Variants in ZBTB16 observed in about 807,000 individuals in gnomAD.
ZBTB16 encodes the protein zinc finger and BTB domain containing 16, also known as zinc finger and BTB domain-containing protein 16.
Under a neutral mutation model 56.8 loss-of-function variants are expected in ZBTB16, and 8 were observed. That is an observed-to-expected ratio of 0.14 (90% CI 0.08 to 0.25). ZBTB16 has a LOEUF of 0.25. ZBTB16 is among the 10% of genes least tolerant of loss of function. ZBTB16 has a pLI of 1.00. For missense variants in ZBTB16, 625 were observed against 903.0 expected (o/e 0.69, Z 3.95); for synonymous variants, 363 against 368.5 (o/e 0.98, Z 0.17).
intron 4 of ZBTB16, among the ~76,000 whole-genome samples, chr11:114,204,169 T>C (rs1016680574): frequency 2.0e-5 from 3 of 151,682 alleles, no homozygotes; most frequent in Non-Finnish European, 4.4e-5. Context: ...TTTTTTTTTT[T>C]CTGAGACACA....
chr11:114,128,950 G>A (rs568901718), intron 2 of ZBTB16, among the ~76,000 whole-genome samples: 4 of 152,282 alleles, frequency 2.6e-5, no homozygotes, highest in Non-Finnish European at 5.9e-5. Flanking sequence ...GAGCAAGAAG[G>A]AAAGGGACAG....
chr11:114,083,457 C>T (rs1199706930), intron 2 of ZBTB16, among the ~76,000 whole-genome samples: 3 of 152,304 alleles, frequency 2.0e-5, no homozygotes, highest in East Asian at 3.9e-4. Flanking sequence ...ACGTCCCAGT[C>T]GCTGGCTCCA....
At chr11:114,169,226 G>T (rs1362102775) in intron 3 of ZBTB16, among the ~76,000 whole-genome samples, 1 of 152,202 alleles carries the variant, frequency 6.6e-6, no homozygotes, top group African/African-American at 2.4e-5. Context: ...GCCCAGAAAT[G>T]TGAGAGCTGT....
At chr11:114,121,941 G>A (rs964960367) in intron 2 of ZBTB16, 8 of 432,396 alleles carry the variant, frequency 1.9e-5, no homozygotes, top group African/African-American at 1.6e-4. Context: ...GGTACTGGCT[G>A]TCCTCTAAGA....
At chr11:114,153,175 C>G (rs1029945882) in intron 2 of ZBTB16, among the ~76,000 whole-genome samples, 1 of 152,180 alleles carries the variant, frequency 6.6e-6, no homozygotes, top group African/African-American at 2.4e-5. Flanking sequence ...TTAGGAGAAG[C>G]CTTCACTTTT....
At chr11:114,079,778 A>G (rs1939694994) in intron 2 of ZBTB16, among the ~76,000 whole-genome samples, 1 of 152,172 alleles carries the variant, frequency 6.6e-6, no homozygotes, top group Non-Finnish European at 1.5e-5. Context: ...TTGGCTCAGC[A>G]CTGGGGTGAG....
At chr11:114,136,428 G>A (rs1230026425) in intron 2 of ZBTB16, among the ~76,000 whole-genome samples, 1 of 152,186 alleles carries the variant, frequency 6.6e-6, no homozygotes, top group Admixed American at 6.5e-5. Flanking sequence ...TCCACAGGCT[G>A]TCAGTAGGAA....
At position 114,251,889 on chromosome 11, in the gene ZBTB16, C is replaced by T. The variant is rs900137755; in HGVS notation, c.*1334C>T. Among the ~76,000 whole-genome samples the T allele has an allele frequency of 3.9e-5, 6 of 152,178 alleles. No individual in the cohort carries two copies. The highest frequency in any genetic ancestry group is 5.9e-5 in the Non-Finnish European group (4 of 68,034). ...TTGAATTACCTCAGTTTTTTGTGAC[C>T]TCATGAGCTTTCTTAACCTCTGTAT... On this transcript the variant is annotated 3_prime_UTR_variant, in exon 7 of 7. Coordinates refer to ENST00000335953, the MANE Select transcript of ZBTB16 (RefSeq NM_006006.6).
chr11:114,213,985 T>G (rs1944044818), intron 4 of ZBTB16, among the ~76,000 whole-genome samples: 1 of 152,218 alleles, frequency 6.6e-6, no homozygotes, highest in East Asian at 1.9e-4. Context: ...TGTTTTGTTT[T>G]GTCTTTTCCT....
At chr11:114,205,086 C>T (rs920136254) in intron 4 of ZBTB16, among the ~76,000 whole-genome samples, 1 of 152,006 alleles carries the variant, frequency 6.6e-6, no homozygotes, top group Non-Finnish European at 1.5e-5. Flanking sequence ...CTGATGAGCC[C>T]CAACCAGGCA....
intron 4 of ZBTB16, among the ~76,000 whole-genome samples, chr11:114,195,410 T>A (rs1319151323): frequency 6.6e-6 from 1 of 152,034 alleles, no homozygotes; most frequent in South Asian, 2.1e-4. Context: ...CCAGAGAGAC[T>A]GAGGGAGTCA....
intron 2 of ZBTB16, among the ~76,000 whole-genome samples, chr11:114,070,289 T>C (rs1939296803): frequency 6.6e-6 from 1 of 151,214 alleles, no homozygotes; most frequent in East Asian, 1.9e-4. Context: ...TTTGTATTTT[T>C]AGTAGAGACG....
At chr11:114,246,879 A>G (rs906008911) in intron 5 of ZBTB16, 1 of 388,868 alleles carries the variant, frequency 2.6e-6, no homozygotes, top group Non-Finnish European at 4.9e-6. Flanking sequence ...TCTGAGAAGC[A>G]AGATGGTGAG....
At chr11:114,108,744 C>T (rs1454582685) in intron 2 of ZBTB16, among the ~76,000 whole-genome samples, 1 of 152,196 alleles carries the variant, frequency 6.6e-6, no homozygotes, top group Non-Finnish European at 1.5e-5. Context: ...CTGGCATTAC[C>T]GATGAGAAAC....
chr11:114,111,157 G>GTGTGTGTT (rs1565630918), intron 2 of ZBTB16, among the ~76,000 whole-genome samples: 2 of 36,746 alleles, frequency 5.4e-5, no homozygotes, highest in Non-Finnish European at 4.2e-5. Flanking sequence ...TCTGTGCTGC[G>GTGTGTGTT]TGTGTGTGTG....
At chr11:114,247,154 G>A in intron 5 of ZBTB16, 44 bp from the exon 6 acceptor site, 2 of 1,614,056 alleles carry the variant, frequency 1.2e-6, no homozygotes, top group South Asian at 2.2e-5. Context: ...CTGAAGAGGG[G>A]GCAGGGAGAG....
rs1033633062 is a variant in ZBTB16, at chr11:114,253,309, C to T, written c.*2754C>T. 1.6e-4 allele frequency among the ~76,000 whole-genome samples: 24 copies of T among 152,168 alleles called. No individual in the cohort carries two copies. Among genetic ancestry groups the T allele is most frequent in the Admixed American group, 7.2e-4 (11 of 15,278 alleles). On this transcript the variant is annotated 3_prime_UTR_variant, in exon 7 of 7. Coordinates refer to ENST00000335953, the MANE Select transcript of ZBTB16 (RefSeq NM_006006.6). ...ATTCATAAAAGCTGAGAGGGTTGAGCTAATCTTCACAAATTGTAATATTTT... is the reference window on the plus strand; with the variant it reads ...ATTCATAAAAGCTGAGAGGGTTGAGTTAATCTTCACAAATTGTAATATTTT...
chr11:114,226,097 G>T (rs1010622802), intron 4 of ZBTB16, among the ~76,000 whole-genome samples: 1 of 152,180 alleles, frequency 6.6e-6, no homozygotes, highest in African/African-American at 2.4e-5. Context: ...GGGCCAAGAA[G>T]TATTTTCTTA....
intron 4 of ZBTB16, among the ~76,000 whole-genome samples, chr11:114,200,815 G>A (rs1047724337): frequency 6.6e-6 from 1 of 152,054 alleles, no homozygotes; most frequent in African/African-American, 2.4e-5. Flanking sequence ...TTTCCTCTCT[G>A]ACTTCTCACC....
Sources: gnomAD v4.1 joint callset for allele counts (sites outside exome capture counted in the v4.1 genomes callset) on GRCh38, gnomAD v4.1.1 for gene constraint, MANE v1.5 for transcripts, NCBI Gene and HGNC (gene_info 2026-07-23, HGNC 2026-07-21) for gene names.